Variants in PTPRG observed in about 807,000 individuals in gnomAD.
PTPRG encodes the protein receptor-type tyrosine-protein phosphatase gamma.
In PTPRG, 102 loss-of-function variants were observed where a neutral mutation model predicts 165.3. The observed-to-expected ratio is 0.62, with a 90% CI of 0.53 to 0.73. The LOEUF (loss-of-function observed/expected upper bound fraction) is 0.73, where lower values mean the gene tolerates loss of function less well. Ranked by LOEUF, PTPRG falls within the 30% of genes least tolerant of loss-of-function variation. The probability of loss-of-function intolerance (pLI) is 0.00; values close to 1 mark genes in which losing one functional copy is unlikely to be tolerated. For synonymous variants in PTPRG, 675 were observed against 669.5 expected (o/e 1.01, Z -0.13); for missense variants, 1,866 against 1,861.4 (o/e 1.00, Z -0.05).
At chr3:61,710,816 G>A (rs918543934) in intron 1 of PTPRG, among the ~76,000 whole-genome samples, 9 of 151,990 alleles carry the variant, frequency 5.9e-5, no homozygotes, top group Non-Finnish European at 1.0e-4. Flanking sequence ...TACATGTGCA[G>A]AAAGTGCAGG....
chr3:61,673,409 G>A (rs1703104111), intron 1 of PTPRG, among the ~76,000 whole-genome samples: 1 of 152,210 alleles, frequency 6.6e-6, no homozygotes, highest in Non-Finnish European at 1.5e-5. Context: ...ACTTTACAAA[G>A]TGGGGCTCTC....
intron 1 of PTPRG, among the ~76,000 whole-genome samples, chr3:61,598,150 C>T (rs1180988784): frequency 6.6e-6 from 1 of 152,182 alleles, no homozygotes; most frequent in Admixed American, 6.5e-5. Flanking sequence ...CCAACACCAT[C>T]TTGATTCTTC....
At chr3:62,183,540 G>A (rs1488060701) in intron 8 of PTPRG, among the ~76,000 whole-genome samples, 1 of 150,516 alleles carries the variant, frequency 6.6e-6, no homozygotes, top group Admixed American at 6.6e-5. Flanking sequence ...CTCCAGCCTA[G>A]GCGACAGAGT....
At chr3:62,172,603 G>C (rs550615357) in intron 8 of PTPRG, among the ~76,000 whole-genome samples, 1 of 152,108 alleles carries the variant, frequency 6.6e-6, no homozygotes, top group Admixed American at 6.5e-5. Context: ...GTAACTCAGC[G>C]CCACTATAGG....
At chr3:62,265,894 T>TACACACACACACACACACACACAC (rs1250968284) in intron 17 of PTPRG, among the ~76,000 whole-genome samples, 308 of 26,480 alleles carry the variant, frequency 0.012, 1 homozygote, top group Non-Finnish European at 0.014. Flanking sequence ...CTGTGCCTTA[T>TACACACACACACACACACACACAC]ATACACACAC....
At chr3:61,584,038 G>C (rs1469394968) in intron 1 of PTPRG, among the ~76,000 whole-genome samples, 2 of 152,120 alleles carry the variant, frequency 1.3e-5, no homozygotes, top group African/African-American at 4.8e-5. Flanking sequence ...TCATTTCTTT[G>C]TTTGGTTTTT....
chr3:61,825,432 A>ATT (rs972960925), intron 2 of PTPRG, among the ~76,000 whole-genome samples: 2 of 152,242 alleles, frequency 1.3e-5, no homozygotes, highest in Non-Finnish European at 2.9e-5. Context: ...AACATAATAC[A>ATT]AAGAGGGAAA....
chr3:61,900,838 G>A (rs1215291803), intron 2 of PTPRG, among the ~76,000 whole-genome samples: 1 of 152,108 alleles, frequency 6.6e-6, no homozygotes, highest in African/African-American at 2.4e-5. Context: ...TAGTTGCTCT[G>A]GAGTGTCACC....
intron 2 of PTPRG, among the ~76,000 whole-genome samples, chr3:61,767,310 AG>A (rs1249187614): frequency 6.7e-6 from 1 of 148,450 alleles, no homozygotes; most frequent in Non-Finnish European, 1.5e-5. Context: ...ATGTTAAAAA[AG>A]GCATACCATT....
intron 1 of PTPRG, among the ~76,000 whole-genome samples, chr3:61,677,465 T>C (rs1327004961): frequency 6.6e-6 from 1 of 152,182 alleles, no homozygotes; most frequent in Admixed American, 6.5e-5. Context: ...TAGATATAGA[T>C]TTTTTGGACA....
chr3:61,859,665 G>A (rs558641550), intron 2 of PTPRG, among the ~76,000 whole-genome samples: 1 of 151,132 alleles, frequency 6.6e-6, no homozygotes, highest in Admixed American at 6.6e-5. Flanking sequence ...CAAGGAACTT[G>A]AGTTACAGAA....
intron 1 of PTPRG, among the ~76,000 whole-genome samples, chr3:61,598,651 G>A (rs1331010948): frequency 6.6e-6 from 1 of 152,078 alleles, no homozygotes; most frequent in East Asian, 1.9e-4. Flanking sequence ...GTTTGCTAGG[G>A]CCCCTGTAAC....
At chr3:61,769,436 G>A in intron 2 of PTPRG, 1 of 152,280 alleles carries the variant, frequency 6.6e-6, no homozygotes, top group Non-Finnish European at 1.5e-5. Context: ...ACCACGCCTG[G>A]CTAATTTGTT....
intron 15 of PTPRG, among the ~76,000 whole-genome samples, chr3:62,250,295 C>T (rs577403768): frequency 2.6e-5 from 4 of 152,080 alleles, no homozygotes; most frequent in Non-Finnish European, 4.4e-5. Flanking sequence ...CCACTTATAC[C>T]GCTGCCTCTG....
intron 2 of PTPRG, among the ~76,000 whole-genome samples, chr3:61,974,131 T>C (rs2040447151): frequency 6.6e-6 from 1 of 152,188 alleles, no homozygotes; most frequent in Non-Finnish European, 1.5e-5. Flanking sequence ...TAGAGTGTGT[T>C]GGTATTGTTT....
At chr3:61,940,640 A>C (rs2039597715) in intron 2 of PTPRG, among the ~76,000 whole-genome samples, 1 of 150,382 alleles carries the variant, frequency 6.6e-6, no homozygotes, top group Non-Finnish European at 1.5e-5. Context: ...CTATGGATTC[A>C]GTAGATGCTT....
At chr3:61,888,231 C>T (rs531814347) in intron 2 of PTPRG, among the ~76,000 whole-genome samples, 42 of 151,564 alleles carry the variant, frequency 2.8e-4, no homozygotes, top group African/African-American at 9.2e-4. Context: ...GTCTGTCTGT[C>T]CGTCTGTGTG....
intron 1 of PTPRG, among the ~76,000 whole-genome samples, chr3:61,627,206 CT>C (rs11329045): frequency 0.056 from 8,517 of 151,842 alleles, 768 homozygotes; most frequent in African/African-American, 0.19. Context: ...TGGAATTATA[CT>C]TTTTAAAAGA....
chr3:61,774,923 G>T (rs1035357311), intron 2 of PTPRG, among the ~76,000 whole-genome samples: 9 of 152,160 alleles, frequency 5.9e-5, no homozygotes, highest in African/African-American at 1.9e-4. Context: ...GTATTCTTTT[G>T]TAATGCCCAC....
Sources: gnomAD v4.1 joint callset for allele counts (sites outside exome capture counted in the v4.1 genomes callset) on GRCh38, gnomAD v4.1.1 for gene constraint, MANE v1.5 for transcripts, NCBI Gene and HGNC (gene_info 2026-07-23, HGNC 2026-07-21) for gene names.